The following ZBTB38 variants were observed in gnomAD, a reference collection of about 807,000 sequenced individuals.
ZBTB38 encodes zinc finger and BTB domain-containing protein 38.
In ZBTB38, 20 loss-of-function variants were observed where a neutral mutation model predicts 76.8. That is an observed-to-expected ratio of 0.26 (90% CI 0.18 to 0.38). ZBTB38 has a LOEUF of 0.38. ZBTB38 is among the 10% of genes least tolerant of loss of function. The pLI is 1.00. For synonymous variants in ZBTB38, 504 were observed against 544.2 expected, an observed-to-expected ratio of 0.93 and a Z score of 1.03; for missense variants, 1,082 against 1,482.3, an observed-to-expected ratio of 0.73 and a Z score of 4.43.
At chr3:141,329,688 G>A (rs149146807) in intron 1 of ZBTB38, among the ~76,000 whole-genome samples, 72 of 152,296 alleles carry the variant, frequency 4.7e-4, no homozygotes, top group Middle Eastern at 3.4e-3. Context: ...CTTGTAAAAT[G>A]GAAGTTTCCA....
At chr3:141,363,366 C>G (rs990986346) in intron 1 of ZBTB38, among the ~76,000 whole-genome samples, 1 of 152,180 alleles carries the variant, frequency 6.6e-6, no homozygotes, top group Non-Finnish European at 1.5e-5. Flanking sequence ...AAAACCCCAG[C>G]TGTATTTTTT....
chr3:141,402,099 T>C (rs952586147), intron 4 of ZBTB38, among the ~76,000 whole-genome samples: 2 of 152,192 alleles, frequency 1.3e-5, no homozygotes, highest in African/African-American at 4.8e-5. Flanking sequence ...AATTGTGTCC[T>C]CCCTGAGGAG....
intron 2 of ZBTB38, among the ~76,000 whole-genome samples, chr3:141,376,274 A>G (rs909149718): frequency 3.9e-5 from 6 of 152,152 alleles, no homozygotes; most frequent in Non-Finnish European, 5.9e-5. Flanking sequence ...CCATGCCTAC[A>G]TCTATGCTGA....
intron 4 of ZBTB38, chr3:141,402,985 G>A (rs1952850719): frequency 6.6e-6 from 1 of 152,254 alleles, no homozygotes; most frequent in Non-Finnish European, 1.5e-5. Context: ...TGCCCCCAGG[G>A]GTTTGCAGTC....
chr3:141,431,339 A>ATATATATATATATATATATAT (rs35348152), intron 5 of ZBTB38, among the ~76,000 whole-genome samples: 4 of 102,416 alleles, frequency 3.9e-5, no homozygotes, highest in African/African-American at 1.9e-4. Context: ...AAAAAAAAAA[A>ATATATATATATATATATATAT]AAATATATAT....
intron 1 of ZBTB38, among the ~76,000 whole-genome samples, chr3:141,360,339 T>A (rs1943783631): frequency 6.6e-6 from 1 of 152,190 alleles, no homozygotes; most frequent in Non-Finnish European, 1.5e-5. Context: ...GATGCTTGTT[T>A]CGGCGTGTGC....
chr3:141,381,891 C>T (rs79705096), intron 3 of ZBTB38, among the ~76,000 whole-genome samples: 5,321 of 152,196 alleles, frequency 0.035, 145 homozygotes, highest in East Asian at 0.1. Flanking sequence ...GCAAAATGAA[C>T]AGATGTTAAC....
intron 2 of ZBTB38, among the ~76,000 whole-genome samples, chr3:141,372,043 C>T (rs1944688411): frequency 6.6e-6 from 1 of 152,222 alleles, no homozygotes; most frequent in Non-Finnish European, 1.5e-5. Context: ...CTTGACCTTT[C>T]TGGCACCCAC....
chr3:141,325,241 T>C (rs896236235), intron 1 of ZBTB38, among the ~76,000 whole-genome samples: 7 of 152,242 alleles, frequency 4.6e-5, no homozygotes, highest in African/African-American at 1.7e-4. Flanking sequence ...AACCACACAG[T>C]AATTTAGCAA....
In ZBTB38 at chr3:141,413,845, C is replaced by A. The variant is rs1443750513; in HGVS notation, c.-1+9814C>A. On this transcript the variant is annotated intron_variant, in intron 5 of 5. Transcript: ENST00000321464. The surrounding 1 kb of genome is among the most constrained non-coding windows in gnomAD (Gnocchi z 4.1). ...AGTGAAGAGTTTGATACCTGCCACTCTGTCTCTGAAGATTTACGTAGAGAA... is the reference window on the plus strand; with the variant it reads ...AGTGAAGAGTTTGATACCTGCCACTATGTCTCTGAAGATTTACGTAGAGAA... Among the ~76,000 whole-genome samples the A allele has an allele frequency of 2.0e-5, 3 of 152,238 alleles. No individual in the cohort carries two copies. Among genetic ancestry groups the A allele is most frequent in the Admixed American group, 1.3e-4 (2 of 15,288 alleles).
At chr3:141,434,571 A>G (rs923765641) in intron 5 of ZBTB38, among the ~76,000 whole-genome samples, 3 of 152,220 alleles carry the variant, frequency 2.0e-5, no homozygotes, top group African/African-American at 7.2e-5. Context: ...AGTTCATTTC[A>G]GTCATCAAAA....
upstream of ZBTB38, chr3:141,367,820 G>A (rs1944027038): frequency 6.6e-6 from 1 of 152,206 alleles, no homozygotes; most frequent in South Asian, 2.1e-4. Flanking sequence ...TATTTAATAT[G>A]TGTCCTCTAC....
At position 141,436,178 on chromosome 3, in the gene ZBTB38, GT is replaced by G. The variant is rs941947475; in HGVS notation, c.1-6206del. Reference sequence around the variant, plus strand: ...AGTAACTTTAAAGTCAACGAATACTGTTTTTGGTGAAAATGACTGTCCCCCT... The same window carrying G: ...AGTAACTTTAAAGTCAACGAATACTGTTTTGGTGAAAATGACTGTCCCCCT... On this transcript the variant is annotated intron_variant, in intron 5 of 5. Transcript: ENST00000321464. Among the ~76,000 whole-genome samples, 4 of 152,290 alleles carry G rather than the reference GT, an allele frequency of 2.6e-5. No individual in the cohort carries two copies. The East Asian group carries it at 5.8e-4, about 22-fold the overall frequency.
rs374171158 is a variant in ZBTB38 at position 141,442,910 on chromosome 3, A to G, written c.522A>G (p.Glu174=). The change falls in exon 6 of 6, where the codon GAA becomes GAG. Residue 174 remains glutamate, a synonymous_variant. Coordinates refer to ENST00000321464, the MANE Select transcript of ZBTB38 (RefSeq NM_001376113.1). This position sits in a 1 kb window ranked among gnomAD's most constrained non-coding sequence, Gnocchi z 6.4. The part of the protein sequence containing the change: ...ITNAFSIIET[E]NSNNMFSPLD... ...ATGCATTTTCCATCATCGAAACAGA[A>G]AATAGTAATAACATGTTTTCCCCGC... 1 of 1,614,234 alleles carries G rather than the reference A, an allele frequency of 6.2e-7. No homozygotes were observed. Among genetic ancestry groups the G allele is most frequent in the East Asian group, 2.2e-5 (1 of 44,890 alleles).
chr3:141,330,221 C>G (rs1466502635), intron 1 of ZBTB38, among the ~76,000 whole-genome samples: 1 of 152,154 alleles, frequency 6.6e-6, no homozygotes, highest in African/African-American at 2.4e-5. Context: ...TCTGGTCCAG[C>G]TTTCAGCTGA....
upstream of ZBTB38, among the ~76,000 whole-genome samples, chr3:141,365,331 A>T (rs138369506): frequency 3.7e-4 from 57 of 152,336 alleles, no homozygotes; most frequent in Non-Finnish European, 4.9e-4. Context: ...ATGAAGGCTG[A>T]GAAGTCCAAA....
At chr3:141,361,883 T>C (rs1001360572) in intron 1 of ZBTB38, among the ~76,000 whole-genome samples, 13 of 152,208 alleles carry the variant, frequency 8.5e-5, no homozygotes, top group African/African-American at 2.9e-4. Flanking sequence ...TTTATACACC[T>C]CAGCGAAAGT....
chr3:141,364,012 A>C (rs1225919279), upstream of ZBTB38, among the ~76,000 whole-genome samples: 1 of 152,214 alleles, frequency 6.6e-6, no homozygotes, highest in East Asian at 1.9e-4. Flanking sequence ...TTATGCTTCA[A>C]ATAACACCAA....
rs757594068 is a variant in ZBTB38 at position 141,443,504 on chromosome 3, G to T, written c.1116G>T (p.Val372=). The change falls in exon 6 of 6, where the codon GTG becomes GTT. Residue 372 remains valine, a synonymous_variant. Coordinates refer to ENST00000321464, the MANE Select transcript of ZBTB38 (RefSeq NM_001376113.1). The surrounding 1 kb of genome is among the most constrained non-coding windows in gnomAD (Gnocchi z 5.6). The part of the protein sequence containing the change: ...QLHKPTQEPL[V]CKYCNKQFTT... ...ACAAGCCAACCCAGGAGCCTTTAGT[G>T]TGCAAGTATTGCAACAAACAATTCA... 53 of 1,614,088 alleles carry T rather than the reference G, an allele frequency of 3.3e-5. No homozygotes were observed. The highest frequency in any genetic ancestry group is 4.2e-5 in the Non-Finnish European group (49 of 1,180,042).
Sources: allele counts gnomAD v4.1 joint callset (sites outside exome capture counted in the v4.1 genomes callset), GRCh38; gene constraint gnomAD v4.1.1; non-coding constraint Gnocchi (gnomAD v3.1); transcripts MANE v1.5; gene names NCBI Gene and HGNC (gene_info 2026-07-23, HGNC 2026-07-21).